Variants in TNKS observed in about 807,000 individuals in gnomAD.
TNKS encodes poly [ADP-ribose] polymerase tankyrase-1.
Under a neutral mutation model 135.8 loss-of-function variants are expected in TNKS, and 72 were observed. That is an observed-to-expected ratio of 0.53 (90% CI 0.44 to 0.64). TNKS has a LOEUF of 0.64. Among genes scored for constraint, TNKS ranks in the 30% least tolerant of loss-of-function variants. The probability of loss-of-function intolerance (pLI) is 0.00; values close to 1 mark genes in which losing one functional copy is unlikely to be tolerated. For missense variants in TNKS, 1,769 were observed against 1,674.0 expected (o/e 1.06, Z -0.99); for synonymous variants, 849 against 649.3 (o/e 1.31, Z -4.68).
intron 21 of TNKS, 151 bp from the exon 22 acceptor site, chr8:9,762,996 C>T: frequency 2.5e-6 from 1 of 396,038 alleles, no homozygotes; most frequent in Non-Finnish European, 4.4e-6. Context: ...TTTAAAGTAA[C>T]CGAATTTATC....
chr8:9,585,968 T>C (rs1243562236), intron 2 of TNKS, among the ~76,000 whole-genome samples: 3 of 152,136 alleles, frequency 2.0e-5, no homozygotes, highest in Non-Finnish European at 2.9e-5. Context: ...AGCATTAAAA[T>C]GGGAATGAGG....
In TNKS at chr8:9,556,008, G is replaced by A. The variant is rs1487593021; in HGVS notation, c.69G>A (p.Gly23=). Residue 23 remains glycine (G), a synonymous_variant, in exon 1 of 27, where the codon GGG becomes GGA. Coordinates refer to ENST00000310430, the MANE Select transcript of TNKS (RefSeq NM_003747.3). The part of the protein sequence containing the change: ...HHQQQLQPAP[G]ASAPPPPPPP... Reference sequence around the variant, plus strand: ...AACAACAGCTCCAGCCCGCCCCAGGGGCTTCAGCGCCGCCGCCGCCACCTC... The same window carrying A: ...AACAACAGCTCCAGCCCGCCCCAGGAGCTTCAGCGCCGCCGCCGCCACCTC... The A allele has an allele frequency of 6.2e-7, 1 of 1,613,100 alleles. No homozygotes were observed. Among genetic ancestry groups the A allele is most frequent in the Non-Finnish European group, 8.5e-7 (1 of 1,179,838 alleles).
chr8:9,715,845 A>C (rs562238873), intron 11 of TNKS, among the ~76,000 whole-genome samples: 59 of 152,276 alleles, frequency 3.9e-4, no homozygotes, highest in African/African-American at 1.3e-3. Flanking sequence ...GGAGTACTAT[A>C]AAGTCTAAAT....
chr8:9,672,306 T>A (rs1051655537), intron 3 of TNKS, among the ~76,000 whole-genome samples: 4 of 152,162 alleles, frequency 2.6e-5, no homozygotes, highest in Admixed American at 6.5e-5. Flanking sequence ...CCTTGGAATG[T>A]ATCCCCTGTG....
At chr8:9,671,273 A>G (rs984509294) in intron 3 of TNKS, 5 of 152,194 alleles carry the variant, frequency 3.3e-5, no homozygotes, top group Non-Finnish European at 5.9e-5. Flanking sequence ...AAATGAAGTT[A>G]TTTGTCCATA....
chr8:9,692,531 G>A (rs1010789022), intron 5 of TNKS, among the ~76,000 whole-genome samples: 7 of 152,180 alleles, frequency 4.6e-5, no homozygotes, highest in Middle Eastern at 3.2e-3. Context: ...TATATCTGTC[G>A]TTAGATGCGT....
At chr8:9,690,446 C>T (rs951270968) in intron 5 of TNKS, among the ~76,000 whole-genome samples, 1 of 152,242 alleles carries the variant, frequency 6.6e-6, no homozygotes, top group Admixed American at 6.5e-5. Context: ...TAAAGATAGT[C>T]CTTTATATTC....
chr8:9,758,984 G>A (rs1188087071), intron 20 of TNKS, among the ~76,000 whole-genome samples: 1 of 152,136 alleles, frequency 6.6e-6, no homozygotes, highest in East Asian at 1.9e-4. Context: ...GTGCTTATTG[G>A]CAGGATTCAG....
chr8:9,698,374 G>GAAAAAAAAAAAAAAA lies in TNKS; in HGVS notation c.1108-6286_1108-6272dup, dbSNP rs34311181. 3.8e-4 allele frequency among the ~76,000 whole-genome samples: 38 copies of GAAAAAAAAAAAAAAA among 98,762 alleles called. 1 individual carries two copies. The highest frequency in any genetic ancestry group is 1.5e-3 in the African/African-American group (38 of 25,182). 64.8% of individuals were successfully genotyped at this position (98,762 alleles called of 152,430 possible). ...GTATCTAAAAGTTAAATTTTAAAAT[G>GAAAAAAAAAAAAAAA]AAAAAAAAAAAAAAAAAGCTTAAGT... On this transcript the variant is annotated intron_variant, in intron 5 of 26. Coordinates refer to ENST00000310430, the MANE Select transcript of TNKS (RefSeq NM_003747.3).
At chr8:9,771,482 G>GGA in intron 26 of TNKS, among the ~76,000 whole-genome samples, 1 of 136,588 alleles carries the variant, frequency 7.3e-6, no homozygotes, top group African/African-American at 2.8e-5. Context: ...AAGAAGGAAG[G>GGA]GGGAAAGAGA....
In TNKS at chr8:9,679,968, G is replaced by A. The variant is rs1196509185; in HGVS notation, c.1012G>A (p.Glu338Lys). ...AVLTGEYKKD[E>K]LLEAARSGNE... ...TCATCTAGGTGAATACAAGAAAGAC[G>A]AACTCCTAGAAGCTGCTAGGTAAGT... The change falls in exon 4 of 27, where the codon GAA becomes AAA. Residue 338 changes from glutamate to lysine, a missense_variant. By Grantham distance (56) the Glu-to-Lys change is moderately conservative. This residue lies in a region of TNKS where 523 missense variants were observed against 541.0 expected (regional missense o/e 0.97). Coordinates refer to ENST00000310430, the MANE Select transcript of TNKS (RefSeq NM_003747.3). The A allele has an allele frequency of 3.1e-6, 5 of 1,612,916 alleles. No homozygotes were observed. The highest frequency in any genetic ancestry group is 1.3e-5 in the African/African-American group (1 of 74,898).
At chr8:9,710,305 C>A in intron 11 of TNKS, 85 bp downstream of exon 11, 1 of 1,261,912 alleles carries the variant, frequency 7.9e-7, no homozygotes, top group Non-Finnish European at 1.2e-6. Context: ...TCCGATTTTT[C>A]TGAAGAAACT....
rs190576484 is a variant in TNKS at position 9,666,807 on chromosome 8, A to G, written c.995-13144A>G. The stretch of plus-strand genomic sequence containing the variant: ...CCCTGCACATCTCAGTAGTCCAGAG[A>G]GCATTGCTATATTATTCCAAAGGCT... On this transcript the variant is annotated intron_variant, in intron 3 of 26. Coordinates refer to ENST00000310430, the MANE Select transcript of TNKS (RefSeq NM_003747.3). Among the ~76,000 whole-genome samples the G allele has an allele frequency of 1.4e-3, 209 of 152,234 alleles. 1 individual carries two copies. Among genetic ancestry groups the G allele is most frequent in the African/African-American group, 5.0e-3 (206 of 41,528 alleles).
chr8:9,731,105 G>C, intron 14 of TNKS, 70 bp downstream of exon 14: 1 of 1,415,818 alleles, frequency 7.1e-7, no homozygotes, highest in Non-Finnish European at 9.3e-7. Flanking sequence ...TATTTTTGAA[G>C]TCTTAGATTT....
intron 3 of TNKS, among the ~76,000 whole-genome samples, chr8:9,672,709 CACAAAAAAAA>C (rs1445807126): frequency 1.1e-5 from 1 of 91,776 alleles, no homozygotes; most frequent in African/African-American, 4.2e-5. Context: ...CACACACACA[CACAAAAAAAA>C]AAAAACAAAC....
rs1033397920 is a variant in TNKS, at chr8:9,580,071, C to T, written c.674-88C>T. On this transcript the variant is annotated intron_variant, in intron 1 of 26. Coordinates refer to ENST00000310430, the MANE Select transcript of TNKS (RefSeq NM_003747.3). The stretch of plus-strand genomic sequence containing the variant: ...TATAGAGTGCAGTACTTCAGTTGTT[C>T]ATACTTGTTGATATTGTTACAGATA... 1.7e-5 allele frequency: 19 copies of T among 1,115,564 alleles called. No individual in the cohort carries two copies. The African/African-American group carries it at 2.3e-4, about 14-fold the overall frequency. 69.1% of individuals were successfully genotyped at this position (1,115,564 alleles called of 1,614,324 possible). A position where few individuals can be genotyped will look rare whatever the true frequency, so the allele number is the denominator to read the frequency against.
chr8:9,702,305 G>C (rs746332967), intron 5 of TNKS, among the ~76,000 whole-genome samples: 2 of 151,458 alleles, frequency 1.3e-5, no homozygotes, highest in Admixed American at 6.6e-5. Context: ...GCATGCGTGT[G>C]CGTGCACACA....
chr8:9,576,476 T>A (rs113621147), intron 1 of TNKS, among the ~76,000 whole-genome samples: 40,127 of 148,064 alleles, frequency 0.27, 5,803 homozygotes, highest in East Asian at 0.38. Context: ...CTTTTTTTTT[T>A]TTTTTTTTTT....
chr8:9,655,872 A>C (rs1801342818), intron 3 of TNKS, among the ~76,000 whole-genome samples: 2 of 152,224 alleles, frequency 1.3e-5, no homozygotes, highest in South Asian at 2.1e-4. Flanking sequence ...CCTCACCAGC[A>C]ACAGAACAAA....
Sources: gnomAD v4.1 joint callset for allele counts (sites outside exome capture counted in the v4.1 genomes callset) on GRCh38, gnomAD v4.1.1 for gene constraint, gnomAD v4.1.1 regional missense constraint, MANE v1.5 for transcripts, NCBI Gene and HGNC (gene_info 2026-07-23, HGNC 2026-07-21) for gene names.